Variants in TOMM70 observed in about 807,000 individuals in gnomAD.
TOMM70 encodes translocase of outer mitochondrial membrane 70, also known as mitochondrial import receptor subunit TOM70.
TOMM70 carries 13 observed loss-of-function variants against 73.6 expected under a neutral mutation model. That is an observed-to-expected ratio of 0.18 (90% CI 0.11 to 0.28). The LOEUF (loss-of-function observed/expected upper bound fraction) is 0.28, where lower values mean the gene tolerates loss of function less well. TOMM70 is among the 10% of genes least tolerant of loss of function. The probability of loss-of-function intolerance (pLI) is 1.00; values close to 1 mark genes in which losing one functional copy is unlikely to be tolerated. For missense variants in TOMM70, 609 were observed against 747.5 expected (o/e 0.81, Z 2.16); for synonymous variants, 257 against 271.2 (o/e 0.95, Z 0.51).
intron 5 of TOMM70, among the ~76,000 whole-genome samples, chr3:100,378,531 G>A (rs769784376): frequency 5.3e-5 from 8 of 152,160 alleles, no homozygotes; most frequent in Non-Finnish European, 8.8e-5. Flanking sequence ...ATGAGCTAAC[G>A]AAAGAGAGAC....
At position 100,375,191 on chromosome 3, in the gene TOMM70, T is replaced by A. The variant is rs761073464; in HGVS notation, c.1093-39A>T. The A allele has an allele frequency of 1.1e-5, 17 of 1,504,610 alleles. No homozygotes were observed. In the East Asian group the frequency reaches 2.4e-4, roughly 22 times the overall value. The allele number at this position is 1,504,610 out of a possible 1,614,324, so 93.2% of individuals were successfully genotyped here. Reference sequence around the variant, plus strand: ...GTGAGGAAAGGTTCATCATTACTTTTTTTTCCCTCCAATCTAGTTTCTTTA... The same window carrying A: ...GTGAGGAAAGGTTCATCATTACTTTATTTTCCCTCCAATCTAGTTTCTTTA... On this transcript the variant is annotated intron_variant, in intron 6 of 11. Transcript: ENST00000284320.
chr3:100,386,498 A>T (rs534285811), intron 2 of TOMM70, among the ~76,000 whole-genome samples, 154 bp from the exon 3 acceptor site: 1 of 152,360 alleles, frequency 6.6e-6, no homozygotes, highest in Admixed American at 6.5e-5. Context: ...ACAAAAGCTC[A>T]TATAAATATC....
At chr3:100,368,401 C>T (rs1706470523) in intron 10 of TOMM70, among the ~76,000 whole-genome samples, 2 of 152,138 alleles carry the variant, frequency 1.3e-5, no homozygotes, top group African/African-American at 4.8e-5. Flanking sequence ...ACCAATCTTG[C>T]ATCCCTTATT....
At chr3:100,385,779 C>T (rs1466323831) in intron 3 of TOMM70, among the ~76,000 whole-genome samples, 2 of 152,000 alleles carry the variant, frequency 1.3e-5, no homozygotes, top group Non-Finnish European at 2.9e-5. Flanking sequence ...TTTGAAAATA[C>T]CAAGGGCACA....
chr3:100,383,287 T>A (rs1706655054), intron 4 of TOMM70, among the ~76,000 whole-genome samples: 1 of 151,898 alleles, frequency 6.6e-6, no homozygotes, highest in South Asian at 2.1e-4. Flanking sequence ...TTTGGGAGGC[T>A]GAGGAAGTTG....
chr3:100,381,575 CA>C, intron 5 of TOMM70, 39 bp downstream of exon 5: 1 of 1,582,524 alleles, frequency 6.3e-7, no homozygotes, highest in South Asian at 1.2e-5. Context: ...TCAAAGCACC[CA>C]AAACACCACT....
At chr3:100,383,209 G>A (rs970708805) in intron 4 of TOMM70, among the ~76,000 whole-genome samples, 2 of 151,320 alleles carry the variant, frequency 1.3e-5, no homozygotes, top group African/African-American at 4.9e-5. Context: ...ATGCTCGAGA[G>A]AAAAAAAAAT....
Position 100,387,001 on chromosome 3 carries a change from T to A in TOMM70, c.325-23A>T, listed in dbSNP as rs1413122048. On this transcript the variant is annotated intron_variant, in intron 1 of 11. Coordinates refer to ENST00000284320, the MANE Select transcript of TOMM70 (RefSeq NM_014820.5). ...GTTCTGAAATGAGAGGAAACAATTATCAAACACTAATCAACATTCACAGAC... is the reference window on the plus strand; with the variant it reads ...GTTCTGAAATGAGAGGAAACAATTAACAAACACTAATCAACATTCACAGAC... 1.9e-6 allele frequency: 3 copies of A among 1,608,536 alleles called. No homozygotes were observed. In the African/African-American group the frequency reaches 4.0e-5, roughly 22 times the overall value.
intron 10 of TOMM70, among the ~76,000 whole-genome samples, 160 bp downstream of exon 10, chr3:100,368,878 T>G (rs1292087260): frequency 6.6e-6 from 1 of 152,164 alleles, no homozygotes; most frequent in African/African-American, 2.4e-5. Context: ...CTGGCCTCCT[T>G]AACTAATTTC....
intron 11 of TOMM70, among the ~76,000 whole-genome samples, chr3:100,367,606 A>G (rs908282621): frequency 6.6e-6 from 1 of 152,242 alleles, no homozygotes; most frequent in Non-Finnish European, 1.5e-5. Flanking sequence ...GGCCTAAAGT[A>G]GGAAACTCAA....
chr3:100,391,726 T>TA (rs1279493623), intron 1 of TOMM70, among the ~76,000 whole-genome samples: 5 of 152,160 alleles, frequency 3.3e-5, no homozygotes, highest in Admixed American at 6.5e-5. Context: ...TAAATGTTAC[T>TA]AAAAAAAGTT....
intron 11 of TOMM70, among the ~76,000 whole-genome samples, chr3:100,367,815 A>C (rs1219904237): frequency 6.6e-6 from 1 of 152,198 alleles, no homozygotes; most frequent in Admixed American, 6.5e-5. Flanking sequence ...TTGATGTTGC[A>C]ACTTGCCCAG....
In TOMM70 at chr3:100,366,231, C is replaced by T. The variant is rs1459272090; in HGVS notation, c.1674-514G>A. ...TTACCAGCACATCCCCAACCCCATG[C>T]ATCTCTACTCTTCAGGCAGTCTATG... On this transcript the variant is annotated intron_variant, in intron 11 of 11. Coordinates refer to ENST00000284320, the MANE Select transcript of TOMM70 (RefSeq NM_014820.5). 2.0e-5 allele frequency among the ~76,000 whole-genome samples: 3 copies of T among 152,212 alleles called. No individual in the cohort carries two copies. The East Asian group carries it at 5.8e-4, about 29-fold the overall frequency.
Position 100,400,683 on chromosome 3 carries a change from C to T in TOMM70, c.267G>A (p.Arg89=). Residue 89 remains arginine (R), a synonymous_variant, in exon 1 of 12, where the codon AGG becomes AGA. Coordinates refer to ENST00000284320, the MANE Select transcript of TOMM70 (RefSeq NM_014820.5). ...RNSERKTPEG[R]ASPAPGSGHP... is the part of the protein sequence containing the mutation. ...GTCCGCTGCCCGGGGCCGGACTGGC[C>T]CTGCCCTCCGGGGTCTTCCGTTCGC... 1 of 1,612,242 alleles carries T rather than the reference C, an allele frequency of 6.2e-7. No individual in the cohort carries two copies. Among genetic ancestry groups the T allele is most frequent in the Middle Eastern group, 1.7e-4 (1 of 6,016 alleles).
chr3:100,384,049 T>C (rs562395811), intron 4 of TOMM70, among the ~76,000 whole-genome samples: 52 of 152,350 alleles, frequency 3.4e-4, no homozygotes, highest in African/African-American at 1.2e-3. Flanking sequence ...TTTAAAAACT[T>C]TAATAATATA....
At chr3:100,376,441 G>A (rs114066698) in intron 6 of TOMM70, among the ~76,000 whole-genome samples, 2,219 of 144,846 alleles carry the variant, frequency 0.015, 60 homozygotes, top group African/African-American at 0.054. Flanking sequence ...ACGGCTCACC[G>A]CAGACTTGAC....
rs371656919 is a variant in TOMM70 at position 100,384,571 on chromosome 3, T to C, written c.643A>G (p.Ile215Val). Residue 215 changes from isoleucine to valine, a missense_variant, in exon 4 of 12, where the codon ATA becomes GTA. Ile to Val is a conservative substitution (Grantham distance 29). This residue lies in a region of TOMM70 where 432 missense variants were observed against 584.1 expected (regional missense o/e 0.74). Coordinates refer to ENST00000284320, the MANE Select transcript of TOMM70 (RefSeq NM_014820.5). ...ECLEDVTAVC[I>V]LEGFQNQQSM... is the part of the protein sequence containing the mutation. Reference sequence around the variant, plus strand: ...TGTTGATTTTGGAACCCTTCTAATATACACACAGCAGTGACATCTAGAAAT... The same window carrying C: ...TGTTGATTTTGGAACCCTTCTAATACACACACAGCAGTGACATCTAGAAAT... 6 of 1,603,204 alleles carry C rather than the reference T, an allele frequency of 3.7e-6. No homozygotes were observed. Among genetic ancestry groups the C allele is most frequent in the South Asian group, 2.2e-5 (2 of 89,824 alleles).
intron 3 of TOMM70, among the ~76,000 whole-genome samples, chr3:100,385,867 A>C (rs887670797): frequency 2.0e-5 from 3 of 152,232 alleles, no homozygotes; most frequent in African/African-American, 7.2e-5. Context: ...AGCTATATTT[A>C]TACATATTAA....
intron 1 of TOMM70, among the ~76,000 whole-genome samples, chr3:100,391,402 G>C (rs1263047497): frequency 6.6e-6 from 1 of 152,034 alleles, no homozygotes; most frequent in Non-Finnish European, 1.5e-5. Context: ...TCTTCCAGTG[G>C]GACAAGATGT....
Sources: allele counts gnomAD v4.1 joint callset (sites outside exome capture counted in the v4.1 genomes callset), GRCh38; gene constraint gnomAD v4.1.1; regional missense constraint gnomAD v4.1.1; transcripts MANE v1.5; gene names NCBI Gene and HGNC (gene_info 2026-07-23, HGNC 2026-07-21).